CLIP4: variants seen among roughly 807,000 people sequenced by gnomAD.
CLIP4 encodes the protein CAP-Gly domain containing linker protein family member 4.
Under a neutral mutation model 73.1 loss-of-function variants are expected in CLIP4, and 47 were observed. That is an observed-to-expected ratio of 0.64 (90% CI 0.51 to 0.82). The LOEUF is 0.82. Among genes scored for constraint, CLIP4 ranks in the 40% least tolerant of loss-of-function variants. CLIP4 has a pLI of 0.00. For missense variants in CLIP4, 874 were observed against 852.9 expected, an observed-to-expected ratio of 1.02 and a Z score of -0.31; for synonymous variants, 306 against 295.4, an observed-to-expected ratio of 1.04 and a Z score of -0.37.
chr2:29,115,612 C>G lies in CLIP4; in HGVS notation c.-69C>G, dbSNP rs1055228951. 1 of 147,440 alleles carries G rather than the reference C, an allele frequency of 6.8e-6. No homozygotes were observed. The highest frequency in any genetic ancestry group is 1.5e-5 in the Non-Finnish European group (1 of 66,134). 9.1% of individuals were successfully genotyped at this position (147,440 alleles called of 1,614,324 possible). A position where few individuals can be genotyped will look rare whatever the true frequency, so the allele number is the denominator to read the frequency against. Reference sequence around the variant, plus strand: ...GCGGGAGCGCGCCTCTCGGCCTTTCCTCCGCGCCCCCGCGTCCCCAGCCGG... The same window carrying G: ...GCGGGAGCGCGCCTCTCGGCCTTTCGTCCGCGCCCCCGCGTCCCCAGCCGG... On this transcript the variant is annotated 5_prime_UTR_variant, in exon 1 of 16. Coordinates refer to ENST00000320081, the MANE Select transcript of CLIP4 (RefSeq NM_024692.6). This position sits in a 1 kb window ranked among gnomAD's most constrained non-coding sequence, Gnocchi z 5.1.
At chr2:29,141,584 T>A (rs575005616) in intron 6 of CLIP4, among the ~76,000 whole-genome samples, 1 of 152,364 alleles carries the variant, frequency 6.6e-6, no homozygotes, top group East Asian at 1.9e-4. Context: ...ATGCCCTACT[T>A]TGTCCCTCTT....
intron 6 of CLIP4, among the ~76,000 whole-genome samples, chr2:29,139,606 G>A (rs571221190): frequency 1.1e-4 from 17 of 152,006 alleles, no homozygotes; most frequent in Non-Finnish European, 2.2e-4. Flanking sequence ...GAATCCATTC[G>A]GTCCAGGGCT....
At chr2:29,109,389 T>C (rs1367044839) in intron 1 of CLIP4, among the ~76,000 whole-genome samples, 1 of 152,160 alleles carries the variant, frequency 6.6e-6, no homozygotes, top group Non-Finnish European at 1.5e-5. Flanking sequence ...AAAATAAAAA[T>C]ACATCATAAT....
intron 3 of CLIP4, 125 bp from the exon 4 acceptor site, chr2:29,132,027 T>A: frequency 1.5e-6 from 1 of 657,176 alleles, no homozygotes; most frequent in Non-Finnish European, 2.7e-6. Context: ...ATGCTCATAC[T>A]GTCTATACAT....
intron 8 of CLIP4, among the ~76,000 whole-genome samples, chr2:29,146,155 G>A (rs1015644944): frequency 7.9e-5 from 12 of 152,114 alleles, no homozygotes; most frequent in Admixed American, 5.9e-4. Flanking sequence ...GGGTTTTTTC[G>A]TTAGTAGGCT....
rs760750946 is a variant in CLIP4, at chr2:29,181,894, G to T, written c.*1G>T. On this transcript the variant is annotated 3_prime_UTR_variant, in exon 16 of 16. Transcript: ENST00000320081. ...AAAACTTGTGGATGAGAATTGTTAA[G>T]CTTCTAAAATATTAAATAAGCTCAA... is the stretch of plus-strand genomic sequence containing the variant. 7 of 1,591,242 alleles carry T rather than the reference G, an allele frequency of 4.4e-6. No individual in the cohort carries two copies. The highest frequency in any genetic ancestry group is 6.0e-6 in the Non-Finnish European group (7 of 1,166,562).
At chr2:29,173,468 G>A (rs999698203) in intron 14 of CLIP4, among the ~76,000 whole-genome samples, 9 of 152,114 alleles carry the variant, frequency 5.9e-5, no homozygotes, top group African/African-American at 1.9e-4. Flanking sequence ...TTTCTTCCCT[G>A]TCTCCTGTGC....
At chr2:29,173,291 T>C (rs1366794431) in intron 14 of CLIP4, among the ~76,000 whole-genome samples, 1 of 152,216 alleles carries the variant, frequency 6.6e-6, no homozygotes, top group Non-Finnish European at 1.5e-5. Context: ...AAATTTTGTC[T>C]CCTACTGAGG....
intron 2 of CLIP4, among the ~76,000 whole-genome samples, chr2:29,128,421 G>C (rs890378604): frequency 5.3e-5 from 8 of 151,344 alleles, no homozygotes; most frequent in Non-Finnish European, 1.0e-4. Flanking sequence ...TACAGAGAAA[G>C]CCATGTAGTT....
At chr2:29,144,681 C>A (rs939611042) in intron 7 of CLIP4, among the ~76,000 whole-genome samples, 1 of 152,024 alleles carries the variant, frequency 6.6e-6, no homozygotes, top group Non-Finnish European at 1.5e-5. Context: ...TGCTATCCCT[C>A]CCCTAGCCCT....
intron 8 of CLIP4, 139 bp from the exon 9 acceptor site, chr2:29,152,545 AT>A (rs140277158): frequency 1.1e-4 from 89 of 775,828 alleles, no homozygotes; most frequent in Admixed American, 1.6e-4. Context: ...TGTGTCTTAC[AT>A]TTTTTTTCCT....
intron 11 of CLIP4, 138 bp from the exon 12 acceptor site, chr2:29,160,195 T>A: frequency 1.0e-6 from 1 of 990,548 alleles, no homozygotes; most frequent in Non-Finnish European, 1.5e-6. Flanking sequence ...AGGCATCAGA[T>A]ATCAAAATCA....
At chr2:29,102,940 C>T (rs1668093542) in intron 1 of CLIP4, among the ~76,000 whole-genome samples, 1 of 152,072 alleles carries the variant, frequency 6.6e-6, no homozygotes, top group Admixed American at 6.5e-5. Flanking sequence ...TCGGTTCCCA[C>T]CCTGCCCCAG....
intron 3 of CLIP4, 150 bp downstream of exon 3, chr2:29,131,547 T>C: frequency 1.3e-6 from 1 of 755,456 alleles, no homozygotes; most frequent in African/African-American, 1.8e-5. Context: ...CATGGGGCAG[T>C]GAGTTAATAC....
chr2:29,148,838 A>G (rs1326733350), intron 8 of CLIP4, among the ~76,000 whole-genome samples: 2 of 152,212 alleles, frequency 1.3e-5, no homozygotes, highest in African/African-American at 2.4e-5. Flanking sequence ...TGTTTTTGGT[A>G]TAGCCTGTCC....
intron 7 of CLIP4, 40 bp downstream of exon 7, chr2:29,143,985 A>G (rs375822749): frequency 6.5e-7 from 1 of 1,548,670 alleles, no homozygotes; most frequent in African/African-American, 1.4e-5. Flanking sequence ...CAGGGTTGTT[A>G]TGTCCATGAC....
chr2:29,155,014 C>A (rs1006113007), intron 9 of CLIP4, among the ~76,000 whole-genome samples: 1 of 152,088 alleles, frequency 6.6e-6, no homozygotes, highest in African/African-American at 2.4e-5. Flanking sequence ...TTTAAAATTA[C>A]CCAAAATATG....
At chr2:29,167,073 T>G (rs1402495860) in intron 13 of CLIP4, among the ~76,000 whole-genome samples, 4 of 152,218 alleles carry the variant, frequency 2.6e-5, no homozygotes, top group Non-Finnish European at 5.9e-5. Context: ...GAAAAATCAC[T>G]CACACAAACT....
intron 1 of CLIP4, among the ~76,000 whole-genome samples, chr2:29,108,618 A>G (rs1379054234): frequency 2.0e-5 from 3 of 152,210 alleles, no homozygotes; most frequent in Admixed American, 2.0e-4. Context: ...TTCAGCTTTA[A>G]TAATTATCAA....
Sources: allele counts gnomAD v4.1 joint callset (sites outside exome capture counted in the v4.1 genomes callset), GRCh38; gene constraint gnomAD v4.1.1; non-coding constraint Gnocchi (gnomAD v3.1); transcripts MANE v1.5; gene names NCBI Gene and HGNC (gene_info 2026-07-23, HGNC 2026-07-21).